ANKS1A: variants seen among roughly 807,000 people sequenced by gnomAD.
ANKS1A encodes the protein ankyrin repeat and SAM domain-containing protein 1A.
Under a neutral mutation model 120.3 loss-of-function variants are expected in ANKS1A, and 55 were observed. The observed-to-expected ratio is 0.46, with a 90% confidence interval of 0.37 to 0.57. The LOEUF is 0.57. Ranked by LOEUF, ANKS1A falls within the 20% of genes least tolerant of loss-of-function variation. ANKS1A has a pLI of 0.00. For synonymous variants in ANKS1A, 590 were observed against 604.7 expected, an observed-to-expected ratio of 0.98 and a Z score of 0.36; for missense variants, 1,123 against 1,480.3, an observed-to-expected ratio of 0.76 and a Z score of 3.96.
At chr6:34,961,692 T>C (rs755185613) in intron 1 of ANKS1A, among the ~76,000 whole-genome samples, 33 of 152,220 alleles carry the variant, frequency 2.2e-4, no homozygotes, top group Non-Finnish European at 4.9e-4. Context: ...TCAGGGCTCC[T>C]TGGGGACATG....
chr6:34,914,388 T>C (rs1768058822), intron 1 of ANKS1A, among the ~76,000 whole-genome samples: 1 of 152,074 alleles, frequency 6.6e-6, no homozygotes, highest in Non-Finnish European at 1.5e-5. Context: ...TAAGGACTCA[T>C]TGTTTGCCCA....
At chr6:34,962,610 A>T (rs1240758604) in intron 1 of ANKS1A, among the ~76,000 whole-genome samples, 1 of 151,846 alleles carries the variant, frequency 6.6e-6, no homozygotes, top group East Asian at 2.0e-4. Context: ...ACATGGTGAA[A>T]CCCCATCTCT....
chr6:34,950,591 T>C (rs146898483), intron 1 of ANKS1A, among the ~76,000 whole-genome samples: 91 of 152,168 alleles, frequency 6.0e-4, no homozygotes, highest in African/African-American at 2.1e-3. Context: ...ACTCCAAATA[T>C]GACAAGGGCA....
intron 11 of ANKS1A, among the ~76,000 whole-genome samples, chr6:35,039,072 A>G (rs1424893407): frequency 9.4e-6 from 1 of 106,568 alleles, no homozygotes; most frequent in Non-Finnish European, 2.0e-5. Context: ...CCAGTTTTGC[A>G]TGTATGTGTG....
At chr6:35,068,559 C>A (rs1340109260) in intron 13 of ANKS1A, among the ~76,000 whole-genome samples, 1 of 152,210 alleles carries the variant, frequency 6.6e-6, no homozygotes, top group Non-Finnish European at 1.5e-5. Flanking sequence ...GCCCTTGTGG[C>A]CTAATTTGCA....
intron 1 of ANKS1A, among the ~76,000 whole-genome samples, chr6:34,909,182 C>A (rs1051973527): frequency 6.6e-6 from 1 of 152,126 alleles, no homozygotes; most frequent in Non-Finnish European, 1.5e-5. Flanking sequence ...CATGTTCATG[C>A]AGAACAGTGG....
chr6:34,997,637 G>T (rs1772928019), intron 10 of ANKS1A, among the ~76,000 whole-genome samples: 1 of 152,206 alleles, frequency 6.6e-6, no homozygotes, highest in African/African-American at 2.4e-5. Flanking sequence ...TTTGAAAATG[G>T]TTCATAGTGA....
chr6:35,070,137 A>C (rs928658547), intron 13 of ANKS1A, among the ~76,000 whole-genome samples: 1 of 151,854 alleles, frequency 6.6e-6, no homozygotes, highest in Admixed American at 6.6e-5. Flanking sequence ...TAGGCATTGA[A>C]CCATTGCACC....
intron 11 of ANKS1A, among the ~76,000 whole-genome samples, chr6:35,040,165 C>T (rs943688068): frequency 2.0e-5 from 3 of 152,260 alleles, no homozygotes; most frequent in Non-Finnish European, 2.9e-5. Flanking sequence ...TATTCTGCCA[C>T]CTCCTCAGTT....
chr6:34,898,365 G>A (rs1767195159), intron 1 of ANKS1A, among the ~76,000 whole-genome samples: 1 of 152,000 alleles, frequency 6.6e-6, no homozygotes, highest in Admixed American at 6.6e-5. Flanking sequence ...ATGTTTTCAG[G>A]GTGCTGACTC....
rs749868890 is a variant in ANKS1A, at chr6:35,081,065, TCTG to T, written c.2624_2626del (p.Leu875del). Reference sequence around the variant, plus strand: ...ATTCCTGCACTGGGCGGTCGGCAGATCTGCTGCTGCCTCCAGGGGACACAGGCA... The same window carrying T: ...ATTCCTGCACTGGGCGGTCGGCAGATCTGCTGCCTCCAGGGGACACAGGCA... On this transcript the variant is annotated inframe_deletion, in exon 17 of 24. Coordinates refer to ENST00000360359, the MANE Select transcript of ANKS1A (RefSeq NM_015245.3). The T allele has an allele frequency of 1.2e-6, 2 of 1,614,038 alleles. No individual in the cohort carries two copies. Among genetic ancestry groups the T allele is most frequent in the African/African-American group, 2.7e-5 (2 of 75,044 alleles).
intron 16 of ANKS1A, 67 bp from the exon 17 acceptor site, chr6:35,080,927 G>A (rs1005798570): frequency 1.3e-5 from 21 of 1,563,340 alleles, no homozygotes; most frequent in Non-Finnish European, 2.6e-6. Context: ...CAGTGGGGCT[G>A]GCTGATACCT....
chr6:35,044,208 G>A lies in ANKS1A; in HGVS notation c.2011-9891G>A, dbSNP rs1337679505. Among the ~76,000 whole-genome samples, 1 of 152,206 alleles carries A rather than the reference G, an allele frequency of 6.6e-6. No individual in the cohort carries two copies. Among genetic ancestry groups the A allele is most frequent in the East Asian group, 1.9e-4 (1 of 5,200 alleles). On this transcript the variant is annotated intron_variant, in intron 11 of 23. Transcript: ENST00000360359. This position sits in a 1 kb window ranked among gnomAD's most constrained non-coding sequence, Gnocchi z 4.4. The stretch of plus-strand genomic sequence containing the variant: ...AAGCCTGCCCAGTGTGGACATAGCC[G>A]TCCGCTGGCATCACTTACTGAGGGA...
At position 35,084,081 on chromosome 6, in the gene ANKS1A, C is replaced by A; in HGVS notation, c.2995-40C>A. On this transcript the variant is annotated intron_variant, in intron 20 of 23. Coordinates refer to ENST00000360359, the MANE Select transcript of ANKS1A (RefSeq NM_015245.3). The surrounding 1 kb of genome is among the most constrained non-coding windows in gnomAD (Gnocchi z 4.8). ...TGGGGCAGGGGGTGCCAGAGGCATG[C>A]CTGAGCCTGAGAATTCCAGAACACG... The A allele has an allele frequency of 6.2e-7, 1 of 1,610,610 alleles. No individual in the cohort carries two copies. The highest frequency in any genetic ancestry group is 2.2e-5 in the East Asian group (1 of 44,836).
rs1325259667 is a variant in ANKS1A, at chr6:35,000,831, A to T, written c.1423+6409A>T. Among the ~76,000 whole-genome samples the T allele has an allele frequency of 4.6e-5, 7 of 152,114 alleles. 1 individual carries two copies. The South Asian group carries it at 1.0e-3, about 23-fold the overall frequency. ...GGATTTTTACCTACATTAAAAGGTT[A>T]AAAAAAATTATTGCTTTGAAAGTTT... On this transcript the variant is annotated intron_variant, in intron 10 of 23. Coordinates refer to ENST00000360359, the MANE Select transcript of ANKS1A (RefSeq NM_015245.3).
At chr6:35,039,087 T>TGG (rs1258358553) in intron 11 of ANKS1A, among the ~76,000 whole-genome samples, 1 of 29,226 alleles carries the variant, frequency 3.4e-5, no homozygotes, top group Non-Finnish European at 2.2e-4. Flanking sequence ...TGTGTGTGTG[T>TGG]GTGTGGGGGG....
intron 1 of ANKS1A, among the ~76,000 whole-genome samples, chr6:34,946,171 G>A (rs1769786053): frequency 6.6e-6 from 1 of 151,662 alleles, no homozygotes; most frequent in African/African-American, 2.4e-5. Context: ...AGTAGAGATG[G>A]GGTTTCACTG....
intron 3 of ANKS1A, among the ~76,000 whole-genome samples, chr6:34,975,695 T>C (rs1771535690): frequency 6.6e-6 from 1 of 150,734 alleles, no homozygotes; most frequent in Non-Finnish European, 1.5e-5. Context: ...GCCCAGGAGG[T>C]TGAGGCTGCA....
intron 1 of ANKS1A, among the ~76,000 whole-genome samples, chr6:34,945,959 C>G (rs1177167337): frequency 6.6e-6 from 1 of 150,714 alleles, no homozygotes; most frequent in African/African-American, 2.4e-5. Flanking sequence ...CTGTCTCCTC[C>G]TCTCTTTATT....
Sources: gnomAD v4.1 joint callset for allele counts (sites outside exome capture counted in the v4.1 genomes callset) on GRCh38, gnomAD v4.1.1 for gene constraint, Gnocchi (gnomAD v3.1) non-coding constraint, MANE v1.5 for transcripts, NCBI Gene and HGNC (gene_info 2026-07-23, HGNC 2026-07-21) for gene names.